Variants in HNRNPLL observed in about 807,000 individuals in gnomAD.
The protein encoded by HNRNPLL is heterogeneous nuclear ribonucleoprotein L-like.
Under a neutral mutation model 67.1 loss-of-function variants are expected in HNRNPLL, and 25 were observed. The observed-to-expected ratio is 0.37, with a 90% CI of 0.27 to 0.52. The LOEUF (loss-of-function observed/expected upper bound fraction) is 0.52. Ranked by LOEUF, HNRNPLL falls within the 20% of genes least tolerant of loss-of-function variation. The probability of loss-of-function intolerance (pLI) is 0.90; values close to 1 mark genes in which losing one functional copy is unlikely to be tolerated. For synonymous variants in HNRNPLL, 267 were observed against 241.7 expected, an observed-to-expected ratio of 1.10 and a Z score of -0.97; for missense variants, 542 against 673.9, an observed-to-expected ratio of 0.80 and a Z score of 2.17.
intron 8 of HNRNPLL, 137 bp downstream of exon 8, chr2:38,573,073 T>C (rs1000471628): frequency 6.3e-6 from 4 of 638,834 alleles, no homozygotes; most frequent in Admixed American, 6.5e-5. Flanking sequence ...TCCTATATAA[T>C]AGATTTTTAG....
At chr2:38,595,234 C>T (rs545288868) in intron 1 of HNRNPLL, among the ~76,000 whole-genome samples, 262 of 130,814 alleles carry the variant, frequency 2.0e-3, no homozygotes, top group African/African-American at 2.6e-3. Context: ...GAGCCAAGAT[C>T]GTGCCACTCC....
At chr2:38,566,148 C>T (rs1057338841) in intron 12 of HNRNPLL, 46 of 925,412 alleles carry the variant, frequency 5.0e-5, no homozygotes, top group Non-Finnish European at 5.9e-5. Context: ...GTGGGCAGAT[C>T]ATGAGGTCCA....
At position 38,573,237 on chromosome 2, in the gene HNRNPLL, C is replaced by A. The variant is rs773237788; in HGVS notation, c.1065G>T (p.Leu355=). The part of the protein sequence containing the change: ...LKMNCSRVFN[L]FCLYGNIEKV... Reference sequence around the variant, plus strand: ...TCTCAATATTTCCATATAAGCAGAACAGGTTGAAGACTCTTGAACAATTCA... The same window carrying A: ...TCTCAATATTTCCATATAAGCAGAAAAGGTTGAAGACTCTTGAACAATTCA... Residue 355 remains leucine (L), a synonymous_variant, in exon 8 of 13, where the codon CTG becomes CTT. Transcript: ENST00000449105. The A allele has an allele frequency of 6.2e-7, 1 of 1,601,720 alleles. No homozygotes were observed. The highest frequency in any genetic ancestry group is 8.5e-7 in the Non-Finnish European group (1 of 1,175,522).
intron 4 of HNRNPLL, among the ~76,000 whole-genome samples, chr2:38,583,559 T>G (rs745415628): frequency 2.0e-5 from 3 of 152,206 alleles, no homozygotes; most frequent in Non-Finnish European, 2.9e-5. Context: ...GTCAGAAAAG[T>G]TCACTTAGGA....
At chr2:38,573,477 G>A (rs979392464) in intron 7 of HNRNPLL, 50 bp from the exon 8 acceptor site, 6 of 1,208,608 alleles carry the variant, frequency 5.0e-6, no homozygotes, top group African/African-American at 1.6e-5. Context: ...ACACATAGTT[G>A]TTTGTAAATA....
At chr2:38,573,064 C>A (rs1041437768) in intron 8 of HNRNPLL, 146 bp downstream of exon 8, 10 of 616,620 alleles carry the variant, frequency 1.6e-5, no homozygotes, top group Non-Finnish European at 2.2e-5. Flanking sequence ...TTCCAGAGTT[C>A]CTATATAATA....
intron 1 of HNRNPLL, among the ~76,000 whole-genome samples, chr2:38,600,268 C>T (rs1056224011): frequency 4.7e-5 from 7 of 150,310 alleles, no homozygotes; most frequent in Non-Finnish European, 1.0e-4. Flanking sequence ...ATTTATACCT[C>T]AATCTGCTTA....
intron 6 of HNRNPLL, chr2:38,581,168 C>G (rs1002979962): frequency 2.0e-5 from 3 of 152,154 alleles, no homozygotes; most frequent in African/African-American, 7.2e-5. Context: ...TGGTTATTTG[C>G]CAATTAACAA....
At chr2:38,566,833 A>T (rs569883104) in intron 12 of HNRNPLL, among the ~76,000 whole-genome samples, 96 of 151,488 alleles carry the variant, frequency 6.3e-4, no homozygotes, top group African/African-American at 2.2e-3. Context: ...AAAAAAAAAA[A>T]AATTAAAAAT....
chr2:38,598,639 TTG>T (rs1400575398), intron 1 of HNRNPLL, among the ~76,000 whole-genome samples: 1 of 152,226 alleles, frequency 6.6e-6, no homozygotes, highest in Non-Finnish European at 1.5e-5. Context: ...AGCTCAATTA[TTG>T]TGTTTTAAAT....
In HNRNPLL at chr2:38,585,818, G is replaced by A. The variant is rs368493976; in HGVS notation, c.372C>T (p.Ala124=). The A allele has an allele frequency of 5.6e-6, 9 of 1,613,730 alleles. No individual in the cohort carries two copies. In the Middle Eastern group the frequency reaches 4.9e-4, roughly 88 times the overall value. ...ALVEFENIDS[A]KECVTFAADE... is the part of the protein sequence containing the mutation. The stretch of plus-strand genomic sequence containing the variant: ...CTGCAGCAAATGTCACACATTCTTT[G>A]GCACTATCTATGTTTTCAAATTCCA... Residue 124 remains alanine, a synonymous_variant, in exon 3 of 13, where the codon GCC becomes GCT. Transcript: ENST00000449105.
At position 38,597,503 on chromosome 2, in the gene HNRNPLL, C is replaced by T. The variant is rs544911616; in HGVS notation, c.189+4935G>A. Among the ~76,000 whole-genome samples the T allele has an allele frequency of 1.4e-3, 211 of 152,186 alleles. 1 individual carries two copies. Among genetic ancestry groups the T allele is most frequent in the Non-Finnish European group, 2.0e-3 (137 of 68,016 alleles). On this transcript the variant is annotated intron_variant, in intron 1 of 12. Transcript: ENST00000449105. Reference sequence around the variant, plus strand: ...GCTGTAAATATCATTTTAACCCACGCGATGTTTAATCACATTTTTTCCCTA... The same window carrying T: ...GCTGTAAATATCATTTTAACCCACGTGATGTTTAATCACATTTTTTCCCTA...
intron 7 of HNRNPLL, among the ~76,000 whole-genome samples, chr2:38,575,173 G>A (rs1666250888): frequency 6.6e-6 from 1 of 151,690 alleles, no homozygotes; most frequent in Non-Finnish European, 1.5e-5. Flanking sequence ...TTATGACTTT[G>A]AGCCATCATT....
At chr2:38,590,658 CAG>C (rs939215015) in intron 2 of HNRNPLL, among the ~76,000 whole-genome samples, 3 of 152,050 alleles carry the variant, frequency 2.0e-5, no homozygotes, top group Non-Finnish European at 2.9e-5. Flanking sequence ...TGGGAAGAGA[CAG>C]GGGGAGCCTG....
At chr2:38,584,130 C>T (rs140837921) in intron 3 of HNRNPLL, among the ~76,000 whole-genome samples, 1 of 152,148 alleles carries the variant, frequency 6.6e-6, no homozygotes, top group African/African-American at 2.4e-5. Flanking sequence ...GGCACGATCA[C>T]AGTTCCCTAC....
intron 4 of HNRNPLL, among the ~76,000 whole-genome samples, chr2:38,583,131 T>G (rs987826465): frequency 2.0e-5 from 3 of 152,170 alleles, no homozygotes; most frequent in African/African-American, 7.2e-5. Context: ...GAAGGCATAG[T>G]TTTATAATAC....
intron 12 of HNRNPLL, among the ~76,000 whole-genome samples, chr2:38,565,511 C>G (rs961377527): frequency 2.0e-5 from 3 of 151,782 alleles, no homozygotes; most frequent in African/African-American, 7.3e-5. Flanking sequence ...TTCAAGACCA[C>G]CAGCCTGGGC....
chr2:38,568,495 C>CT (rs1665956141), intron 10 of HNRNPLL, 52 bp from the exon 11 acceptor site: 1 of 1,191,948 alleles, frequency 8.4e-7, no homozygotes, highest in African/African-American at 1.5e-5. Context: ...TAATATCCCA[C>CT]TTTTTTACAG....
At chr2:38,587,457 GT>G (rs1295999571) in intron 2 of HNRNPLL, among the ~76,000 whole-genome samples, 2 of 152,068 alleles carry the variant, frequency 1.3e-5, no homozygotes, top group African/African-American at 4.8e-5. Context: ...GGACTTATTA[GT>G]TTTCCCCACC....
Sources: gnomAD v4.1 joint callset for allele counts (sites outside exome capture counted in the v4.1 genomes callset) on GRCh38, gnomAD v4.1.1 for gene constraint, MANE v1.5 for transcripts, NCBI Gene and HGNC (gene_info 2026-07-23, HGNC 2026-07-21) for gene names.